SENP2: variants seen among roughly 807,000 people sequenced by gnomAD.
SENP2 encodes sentrin-specific protease 2.
Under a neutral mutation model 86.3 loss-of-function variants are expected in SENP2, and 16 were observed. The ratio of observed to expected loss-of-function variants is 0.19; its 90% CI spans 0.13 to 0.28. The LOEUF is 0.28. Among genes scored for constraint, SENP2 ranks in the 10% least tolerant of loss-of-function variants. The pLI is 1.00. For missense variants in SENP2, 552 were observed against 703.0 expected (o/e 0.79, Z 2.43); for synonymous variants, 222 against 238.7 (o/e 0.93, Z 0.64).
At chr3:185,618,962 T>G (rs1457254299) in intron 12 of SENP2, among the ~76,000 whole-genome samples, 2 of 152,276 alleles carry the variant, frequency 1.3e-5, no homozygotes, top group Non-Finnish European at 2.9e-5. Flanking sequence ...AATTGAAGTC[T>G]AATTTATATG....
chr3:185,592,157 C>T (rs997586599), intron 2 of SENP2, among the ~76,000 whole-genome samples: 2 of 151,306 alleles, frequency 1.3e-5, no homozygotes, highest in Admixed American at 6.6e-5. Flanking sequence ...TAGCTCACTG[C>T]AGTCTCAAAC....
intron 9 of SENP2, 113 bp from the exon 10 acceptor site, chr3:185,613,232 T>C: frequency 2.8e-6 from 2 of 711,342 alleles, no homozygotes; most frequent in Non-Finnish European, 4.9e-6. Flanking sequence ...GAGTATTATG[T>C]AAACTCAACA....
In SENP2 at chr3:185,627,962, GAATT is replaced by G. The variant is rs142509319; in HGVS notation, c.1707+1573_1707+1576del. On this transcript the variant is annotated intron_variant, in intron 16 of 16. Transcript: ENST00000296257. ...GTGAAGTAACTAGGACTCCCGTGCT[GAATT>G]AATATAATTCCAGTAAAAAATAAAG... Among the ~76,000 whole-genome samples the G allele has an allele frequency of 2.2e-3, 331 of 152,240 alleles. 1 individual carries two copies. The highest frequency in any genetic ancestry group is 7.6e-3 in the African/African-American group (316 of 41,548).
chr3:185,608,507 A>T (rs1722588596), intron 6 of SENP2, among the ~76,000 whole-genome samples: 1 of 152,196 alleles, frequency 6.6e-6, no homozygotes, highest in African/African-American at 2.4e-5. Context: ...GACATTGTTT[A>T]AACTCCCTGT....
Position 185,633,207 on chromosome 3 carries a change from A to G in SENP2, c.*3363A>G, listed in dbSNP as rs923050700. The stretch of plus-strand genomic sequence containing the variant: ...GTGTGGGCGGAATGTATCCTAGTAG[A>G]AACAGTGAACCTCAGATATGAATAA... On this transcript the variant is annotated 3_prime_UTR_variant, in exon 17 of 17. Transcript: ENST00000296257. 8 of 152,252 alleles carry G rather than the reference A, an allele frequency of 5.3e-5. No homozygotes were observed. Among genetic ancestry groups the G allele is most frequent in the Admixed American group, 5.2e-4 (8 of 15,282 alleles). 9.4% of individuals were successfully genotyped at this position (152,252 alleles called of 1,614,324 possible). A position where few individuals can be genotyped will look rare whatever the true frequency, so the allele number is the denominator to read the frequency against.
chr3:185,593,261 T>C (rs1056407757), intron 2 of SENP2, among the ~76,000 whole-genome samples: 4 of 152,116 alleles, frequency 2.6e-5, no homozygotes, highest in African/African-American at 9.7e-5. Context: ...GATCAAATTA[T>C]CGTTCTGTTT....
rs1206042436 is a variant in SENP2, at chr3:185,621,156, C to CAAA, written c.1447-651_1447-649dup. Among the ~76,000 whole-genome samples the CAAA allele has an allele frequency of 1.9e-3, 74 of 38,978 alleles. 1 individual carries two copies. The highest frequency in any genetic ancestry group is 4.4e-3 in the African/African-American group (42 of 9,522). 25.6% of individuals were successfully genotyped at this position (38,978 alleles called of 152,430 possible). A position where few individuals can be genotyped will look rare whatever the true frequency, so the allele number is the denominator to read the frequency against. On this transcript the variant is annotated intron_variant, in intron 13 of 16. Coordinates refer to ENST00000296257, the MANE Select transcript of SENP2 (RefSeq NM_021627.3). The stretch of plus-strand genomic sequence containing the variant: ...TGGGTCACAGAGTGAGATCTTGTCT[C>CAAA]AAAAAAAAAAAAAAAAAAAAAGAGA...
intron 6 of SENP2, 22 bp downstream of exon 6, chr3:185,606,520 TC>T: frequency 6.4e-7 from 1 of 1,551,196 alleles, no homozygotes; most frequent in Non-Finnish European, 8.7e-7. Flanking sequence ...CAGCTTGATT[TC>T]TTTAAAAAAA....
At chr3:185,592,182 A>G (rs1263116643) in intron 2 of SENP2, among the ~76,000 whole-genome samples, 1 of 150,952 alleles carries the variant, frequency 6.6e-6, no homozygotes, top group African/African-American at 2.4e-5. Context: ...GGGCTCACAC[A>G]ATCCTCCTGC....
At position 185,611,596 on chromosome 3, in the gene SENP2, T is replaced by C. The variant is rs190529691; in HGVS notation, c.723-55T>C. 5.4e-4 allele frequency: 609 copies of C among 1,123,524 alleles called. 2 individuals carry two copies. The highest frequency in any genetic ancestry group is 2.2e-3 in the African/African-American group (145 of 65,408). The allele number at this position is 1,123,524 out of a possible 1,614,324, so 69.6% of individuals were successfully genotyped here. On this transcript the variant is annotated intron_variant, in intron 7 of 16. Transcript: ENST00000296257. Reference sequence around the variant, plus strand: ...GCTTGCTGGACAGAGATAATGCATATTAATGGTAGACTTTGCTTTTGTATC... The same window carrying C: ...GCTTGCTGGACAGAGATAATGCATACTAATGGTAGACTTTGCTTTTGTATC...
chr3:185,593,733 T>C (rs1175460342), intron 2 of SENP2, among the ~76,000 whole-genome samples: 3 of 150,370 alleles, frequency 2.0e-5, no homozygotes, highest in African/African-American at 7.3e-5. Context: ...CATTTCTTTT[T>C]TTTTTTTTTT....
In SENP2 at chr3:185,633,005, T is replaced by G. The variant is rs1273771649; in HGVS notation, c.*3161T>G. ...GGATGGGGGTGGGAGGGAAACAGAT[T>G]TGGGGCATATGGAAGATATTCTTGG... On this transcript the variant is annotated 3_prime_UTR_variant, in exon 17 of 17. Transcript: ENST00000296257. 6.6e-6 allele frequency: 1 copy of G among 152,198 alleles called. No individual in the cohort carries two copies. The highest frequency in any genetic ancestry group is 1.5e-5 in the Non-Finnish European group (1 of 68,030). 9.4% of individuals were successfully genotyped at this position (152,198 alleles called of 1,614,324 possible).
At chr3:185,596,760 T>A (rs1577720703) in intron 2 of SENP2, among the ~76,000 whole-genome samples, 1 of 152,216 alleles carries the variant, frequency 6.6e-6, no homozygotes, top group African/African-American at 2.4e-5. Context: ...ACTATGACAG[T>A]GCTTCCTGTA....
chr3:185,597,159 A>G (rs1722201501), intron 2 of SENP2, among the ~76,000 whole-genome samples: 1 of 151,822 alleles, frequency 6.6e-6, no homozygotes, highest in Admixed American at 6.6e-5. Flanking sequence ...GCAAAAATTT[A>G]TTTTATATAT....
At chr3:185,588,998 A>G (rs1197538115) in intron 1 of SENP2, among the ~76,000 whole-genome samples, 9 of 152,230 alleles carry the variant, frequency 5.9e-5, no homozygotes, top group Non-Finnish European at 1.2e-4. Flanking sequence ...ATTTTCAGTC[A>G]AAATGAAGCC....
At position 185,632,213 on chromosome 3, in the gene SENP2, GTTTT is replaced by G. The variant is rs369236428; in HGVS notation, c.*2376_*2379del. The G allele has an allele frequency of 1.6e-5, 2 of 125,326 alleles. No homozygotes were observed. Among genetic ancestry groups the G allele is most frequent in the African/African-American group, 6.1e-5 (2 of 33,022 alleles). The allele number at this position is 125,326 out of a possible 1,614,324, so 7.8% of individuals were successfully genotyped here. Reference sequence around the variant, plus strand: ...CAAATTATCACCATTAAAGCCAGTGGTTTTTTTTTTGTTTTTTTTTTTTGTTTTT... The same window carrying G: ...CAAATTATCACCATTAAAGCCAGTGGTTTTTTGTTTTTTTTTTTTGTTTTT... On this transcript the variant is annotated 3_prime_UTR_variant, in exon 17 of 17. Coordinates refer to ENST00000296257, the MANE Select transcript of SENP2 (RefSeq NM_021627.3).
At chr3:185,595,166 A>G (rs898562544) in intron 2 of SENP2, among the ~76,000 whole-genome samples, 3 of 152,138 alleles carry the variant, frequency 2.0e-5, no homozygotes, top group Non-Finnish European at 2.9e-5. Flanking sequence ...TTTTGACATA[A>G]TCTCAGGGGC....
intron 5 of SENP2, among the ~76,000 whole-genome samples, chr3:185,605,002 C>T (rs1035384010): frequency 5.3e-5 from 8 of 151,534 alleles, no homozygotes; most frequent in Middle Eastern, 3.4e-3. Context: ...GATCCACCCG[C>T]CTCAGCCTCC....
At chr3:185,603,113 T>C (rs1248272298) in intron 5 of SENP2, among the ~76,000 whole-genome samples, 1 of 151,924 alleles carries the variant, frequency 6.6e-6, no homozygotes. Flanking sequence ...GGTTTCACTA[T>C]GTTGGCCAGG....
Sources: allele counts gnomAD v4.1 joint callset (sites outside exome capture counted in the v4.1 genomes callset), GRCh38; gene constraint gnomAD v4.1.1; transcripts MANE v1.5; gene names NCBI Gene and HGNC (gene_info 2026-07-23, HGNC 2026-07-21).